Variants in RIPOR2 observed in about 807,000 individuals in gnomAD.
The protein encoded by RIPOR2 is rho family-interacting cell polarization regulator 2.
In RIPOR2, 39 loss-of-function variants were observed where a neutral mutation model predicts 114.5. The ratio of observed to expected loss-of-function variants is 0.34; its 90% CI spans 0.26 to 0.44. RIPOR2 has a LOEUF of 0.44. RIPOR2 is among the 20% of genes least tolerant of loss of function. The pLI, the probability that RIPOR2 is intolerant of heterozygous loss-of-function variation, is 1.00. For missense variants in RIPOR2, 1,007 were observed against 1,255.1 expected, an observed-to-expected ratio of 0.80 and a Z score of 2.99; for synonymous variants, 445 against 484.4, an observed-to-expected ratio of 0.92 and a Z score of 1.07.
Position 24,832,391 on chromosome 6 carries a change from G to T in RIPOR2, c.2209C>A (p.Gln737Lys). Residue 737 changes from glutamine (Q) to lysine (K), a missense_variant and splice_region_variant, in exon 16 of 22, where the codon CAA (glutamine) becomes AAA (lysine). Physicochemically the swap from Gln to Lys is moderately conservative, Grantham distance 53. Coordinates refer to ENST00000643898, the MANE Select transcript of RIPOR2 (RefSeq NM_001286445.3). Reference protein sequence around the residue: ...HLQYCTQLVQQIVFSSKTPFV... With the variant: ...HLQYCTQLVQKIVFSSKTPFV... ...GGGGTTTTGCTTGAGAAAACAATTT[G>T]CTGGTAAAACAAACAAAACTCCTGT... 3 of 1,551,926 alleles carry T rather than the reference G, an allele frequency of 1.9e-6. No individual in the cohort carries two copies. Among genetic ancestry groups the T allele is most frequent in the Admixed American group, 3.9e-5 (2 of 50,974 alleles).
intron 1 of RIPOR2, among the ~76,000 whole-genome samples, chr6:24,968,071 C>G (rs1374859996): frequency 6.6e-6 from 1 of 151,970 alleles, no homozygotes; most frequent in Non-Finnish European, 1.5e-5. Flanking sequence ...TGTCACCACA[C>G]CTGGCTCTAT....
At chr6:24,997,152 C>A (rs1287352649) in intron 1 of RIPOR2, among the ~76,000 whole-genome samples, 1 of 152,222 alleles carries the variant, frequency 6.6e-6, no homozygotes, top group Non-Finnish European at 1.5e-5. Flanking sequence ...GGCCATAGCA[C>A]ACAACAATGA....
chr6:24,986,930 A>AG (rs112660782), intron 1 of RIPOR2, among the ~76,000 whole-genome samples: 9,147 of 152,020 alleles, frequency 0.06, 896 homozygotes, highest in African/African-American at 0.2. Flanking sequence ...AAAAAAAAAA[A>AG]AAATTGCAAA....
chr6:24,962,095 T>C (rs1449712039), intron 1 of RIPOR2, among the ~76,000 whole-genome samples: 1 of 152,132 alleles, frequency 6.6e-6, no homozygotes, highest in Non-Finnish European at 1.5e-5. Context: ...CCAGAACCCA[T>C]GCTTTCAACC....
At chr6:24,848,732 G>T (rs1256477210) in intron 11 of RIPOR2, among the ~76,000 whole-genome samples, 1 of 152,154 alleles carries the variant, frequency 6.6e-6, no homozygotes, top group Non-Finnish European at 1.5e-5. Context: ...TGCAGATTGT[G>T]GGGAGGGAAG....
chr6:24,879,116 G>T (rs1266157022), intron 1 of RIPOR2, among the ~76,000 whole-genome samples: 3 of 95,302 alleles, frequency 3.1e-5, no homozygotes, highest in Admixed American at 1.1e-4. Context: ...GAGGCAGGTG[G>T]ATCACCTGAG....
At chr6:25,030,142 C>G (rs1438051842) in intron 1 of RIPOR2, among the ~76,000 whole-genome samples, 1 of 151,976 alleles carries the variant, frequency 6.6e-6, no homozygotes, top group Non-Finnish European at 1.5e-5. Flanking sequence ...GTCAGCCTGG[C>G]TGCAGGTCTT....
intron 12 of RIPOR2, among the ~76,000 whole-genome samples, chr6:24,845,462 G>A (rs571740835): frequency 5.9e-5 from 9 of 152,240 alleles, no homozygotes; most frequent in African/African-American, 2.2e-4. Context: ...TGTCTGATCT[G>A]TGCACACATC....
intron 1 of RIPOR2, among the ~76,000 whole-genome samples, chr6:25,014,645 A>G (rs996423365): frequency 1.3e-5 from 2 of 152,128 alleles, no homozygotes; most frequent in African/African-American, 4.8e-5. Context: ...CATTTCCTCT[A>G]TTTGCCCTCT....
At chr6:24,899,519 A>C (rs1203277283) in intron 1 of RIPOR2, among the ~76,000 whole-genome samples, 1 of 152,240 alleles carries the variant, frequency 6.6e-6, no homozygotes, top group Non-Finnish European at 1.5e-5. Flanking sequence ...TCTGATAGAG[A>C]GATAGAAGGG....
intron 1 of RIPOR2, among the ~76,000 whole-genome samples, chr6:25,040,405 C>T (rs971229155): frequency 5.3e-5 from 8 of 152,112 alleles, no homozygotes; most frequent in African/African-American, 1.7e-4. Flanking sequence ...CGTGAGCCAC[C>T]GCGCCCGGCC....
chr6:24,872,805 C>T, intron 4 of RIPOR2, 76 bp downstream of exon 4: 1 of 973,108 alleles, frequency 1.0e-6, no homozygotes. Flanking sequence ...ACATTCCTCC[C>T]CAGCCCCATC....
At chr6:24,990,672 T>G (rs1361594387) in intron 1 of RIPOR2, among the ~76,000 whole-genome samples, 1 of 151,642 alleles carries the variant, frequency 6.6e-6, no homozygotes, top group Non-Finnish European at 1.5e-5. Flanking sequence ...AGCGTGCATT[T>G]GTTGCATTGT....
chr6:24,966,631 G>A (rs1160884900), intron 1 of RIPOR2, among the ~76,000 whole-genome samples: 1 of 152,158 alleles, frequency 6.6e-6, no homozygotes, highest in Non-Finnish European at 1.5e-5. Flanking sequence ...GCATGATGAA[G>A]TCATGTTATG....
At chr6:24,913,879 C>T (rs1769861834) in intron 1 of RIPOR2, among the ~76,000 whole-genome samples, 1 of 152,150 alleles carries the variant, frequency 6.6e-6, no homozygotes, top group African/African-American at 2.4e-5. Context: ...ACAGTGAAGC[C>T]TAGAGCTTGA....
intron 1 of RIPOR2, among the ~76,000 whole-genome samples, chr6:24,973,069 G>A (rs906012248): frequency 1.6e-5 from 1 of 62,536 alleles, no homozygotes; most frequent in Non-Finnish European, 5.1e-5. Context: ...AGGAAGGAAG[G>A]AAAGAAGAGA....
rs145922584 is a variant in RIPOR2, at chr6:24,885,583, G to A, written c.62-9766C>T. On this transcript the variant is annotated intron_variant, in intron 1 of 21. Coordinates refer to ENST00000643898, the MANE Select transcript of RIPOR2 (RefSeq NM_001286445.3). The stretch of plus-strand genomic sequence containing the variant: ...GCAACACAGCAGAGACAATAAGAAC[G>A]TGGAATCCAGAGTCAGACAAATCTG... 4.0e-3 allele frequency among the ~76,000 whole-genome samples: 615 copies of A among 152,280 alleles called. 2 individuals carry two copies. The highest frequency in any genetic ancestry group is 0.013 in the African/African-American group (536 of 41,548).
chr6:24,820,026 T>G (rs951574612), intron 19 of RIPOR2, among the ~76,000 whole-genome samples: 1 of 152,114 alleles, frequency 6.6e-6, no homozygotes, highest in African/African-American at 2.4e-5. Context: ...TTATTTTCTA[T>G]TTTTATTTAT....
At chr6:24,896,316 C>T (rs1437490940) in intron 1 of RIPOR2, among the ~76,000 whole-genome samples, 1 of 152,140 alleles carries the variant, frequency 6.6e-6, no homozygotes, top group African/African-American at 2.4e-5. Context: ...TTATATAGGT[C>T]AATTAATGGA....
Sources: gnomAD v4.1 joint callset for allele counts (sites outside exome capture counted in the v4.1 genomes callset) on GRCh38, gnomAD v4.1.1 for gene constraint, MANE v1.5 for transcripts, NCBI Gene and HGNC (gene_info 2026-07-23, HGNC 2026-07-21) for gene names.